The following SAMD5 variants were observed in gnomAD, a reference collection of about 807,000 sequenced individuals.
SAMD5 encodes sterile alpha motif domain-containing protein 5.
In SAMD5, 13 loss-of-function variants were observed where a neutral mutation model predicts 11.3. That is an observed-to-expected ratio of 1.15 (90% confidence interval 0.75 to 1.83). The LOEUF is 1.83. SAMD5 is among the 40% of genes most tolerant of loss of function. SAMD5 has a pLI of 0.00. For missense variants in SAMD5, 255 were observed against 239.1 expected (o/e 1.07, Z -0.44); for synonymous variants, 129 against 111.3 (o/e 1.16, Z -1.00).
chr6:147,830,087 C>G, the SAMD5 span, among the ~76,000 whole-genome samples: 3 of 151,722 alleles, frequency 2.0e-5, no homozygotes, highest in Non-Finnish European at 4.4e-5. Flanking sequence ...AAAGAGATCT[C>G]TTGGGTTAGA....
At chr6:147,849,258 T>G in the SAMD5 span, among the ~76,000 whole-genome samples, 2 of 151,904 alleles carry the variant, frequency 1.3e-5, no homozygotes, top group East Asian at 3.9e-4. Flanking sequence ...CAAAAGTAAT[T>G]CTTTAAACTT....
rs571919735 is a variant in SAMD5 at position 147,695,150 on chromosome 6, C to G, written c.163-42167C>G. 6.4e-4 allele frequency among the ~76,000 whole-genome samples: 98 copies of G among 152,264 alleles called. 2 individuals carry two copies. In the Middle Eastern group the frequency reaches 0.014, roughly 21 times the overall value. ...GTCCCGTGAAACAAATATGTGATAT[C>G]TAGGAATTTAAAATAAAGATGTTAC... is the stretch of plus-strand genomic sequence containing the variant. On this transcript the variant is annotated intron_variant, in intron 1 of 1. Coordinates refer to the SAMD5 transcript ENST00000566741.
the SAMD5 span, among the ~76,000 whole-genome samples, chr6:147,937,263 G>A: frequency 6.6e-6 from 1 of 152,150 alleles, no homozygotes; most frequent in African/African-American, 2.4e-5. Context: ...TCCAGAAGAG[G>A]AATCTTGTTC....
chr6:147,754,693 A>G, the SAMD5 span, among the ~76,000 whole-genome samples: 1 of 152,188 alleles, frequency 6.6e-6, no homozygotes, highest in Admixed American at 6.6e-5. Context: ...TCATAGTGTG[A>G]AGTCTTAGAT....
intron 1 of SAMD5, among the ~76,000 whole-genome samples, chr6:147,590,966 TA>T (rs1348359373): frequency 6.6e-6 from 1 of 152,210 alleles, no homozygotes; most frequent in African/African-American, 2.4e-5. Context: ...TATTCAAGGT[TA>T]AAATGAAATG....
chr6:147,544,809 A>G (rs1788661194), intron 1 of SAMD5, among the ~76,000 whole-genome samples: 1 of 152,236 alleles, frequency 6.6e-6, no homozygotes, highest in Admixed American at 6.5e-5. Context: ...ATTTTGTTTC[A>G]GAATGGACCA....
At position 147,553,083 on chromosome 6, in the gene SAMD5, C is replaced by A. The variant is rs192887847; in HGVS notation, c.460-11311C>A. ...TAGAACAGGTACTGGAAAAATCAACCAGTTATATAGGCTTCCACTGTGCCA... is the reference window on the plus strand; with the variant it reads ...TAGAACAGGTACTGGAAAAATCAACAAGTTATATAGGCTTCCACTGTGCCA... On this transcript the variant is annotated intron_variant, in intron 1 of 1. Transcript: ENST00000367474. Among the ~76,000 whole-genome samples the A allele has an allele frequency of 2.6e-5, 4 of 152,232 alleles. No individual in the cohort carries two copies. The East Asian group carries it at 5.8e-4, about 22-fold the overall frequency.
the SAMD5 span, among the ~76,000 whole-genome samples, chr6:147,920,463 C>T: frequency 6.6e-6 from 1 of 152,146 alleles, no homozygotes; most frequent in Non-Finnish European, 1.5e-5. Context: ...GACTGGCTTC[C>T]TTGCTCCTCA....
intron 1 of SAMD5, among the ~76,000 whole-genome samples, chr6:147,675,672 G>C (rs1467592901): frequency 1.3e-5 from 2 of 152,128 alleles, no homozygotes; most frequent in Non-Finnish European, 2.9e-5. Context: ...TAAATTTGCT[G>C]TATTTGATAC....
In SAMD5 at chr6:147,565,134, A is replaced by G. The variant is rs767841756; in HGVS notation, c.*678A>G. 4.1e-6 allele frequency: 4 copies of G among 985,276 alleles called. No homozygotes were observed. The highest frequency in any genetic ancestry group is 4.8e-6 in the Non-Finnish European group (4 of 829,556). 61.0% of individuals were successfully genotyped at this position (985,276 alleles called of 1,614,324 possible). The stretch of plus-strand genomic sequence containing the variant: ...AAATTTAATCTGGCTGAGGTTTAGT[A>G]TTAGGACTAATACAAGTGTCTTGCT... On this transcript the variant is annotated 3_prime_UTR_variant, in exon 2 of 2. Coordinates refer to ENST00000367474, the MANE Select transcript of SAMD5 (RefSeq NM_001030060.3).
the SAMD5 span, among the ~76,000 whole-genome samples, chr6:147,798,019 C>G: frequency 3.3e-5 from 5 of 151,450 alleles, no homozygotes; most frequent in Admixed American, 2.6e-4. Flanking sequence ...AAAAGACCAG[C>G]TCCTGGATTC....
At chr6:147,554,586 A>T (rs1431079563) in intron 1 of SAMD5, among the ~76,000 whole-genome samples, 1 of 151,308 alleles carries the variant, frequency 6.6e-6, no homozygotes, top group Non-Finnish European at 1.5e-5. Flanking sequence ...TCAGAGAAGC[A>T]TGTTTTTTCC....
chr6:147,524,422 GT>G (rs71270324), intron 1 of SAMD5, among the ~76,000 whole-genome samples: 184 of 142,640 alleles, frequency 1.3e-3, no homozygotes, highest in African/African-American at 2.3e-3. Flanking sequence ...TGTTTTTGTT[GT>G]TTTTTTTTTT....
intron 1 of SAMD5, among the ~76,000 whole-genome samples, chr6:147,518,498 G>T (rs1011139107): frequency 6.6e-6 from 1 of 152,178 alleles, no homozygotes; most frequent in Non-Finnish European, 1.5e-5. Context: ...TCAGATTCTA[G>T]TTCACCAGAA....
At chr6:147,922,438 A>G in the SAMD5 span, among the ~76,000 whole-genome samples, 1 of 152,206 alleles carries the variant, frequency 6.6e-6, no homozygotes, top group Non-Finnish European at 1.5e-5. Flanking sequence ...GTGGGTTGTT[A>G]GGAAAAATTT....
At chr6:147,887,263 A>G in the SAMD5 span, among the ~76,000 whole-genome samples, 1 of 152,226 alleles carries the variant, frequency 6.6e-6, no homozygotes, top group Admixed American at 6.5e-5. Flanking sequence ...CTGTGAAGCC[A>G]CCAAAATGAT....
chr6:147,932,000 T>G, the SAMD5 span, among the ~76,000 whole-genome samples: 1 of 152,202 alleles, frequency 6.6e-6, no homozygotes, highest in Non-Finnish European at 1.5e-5. Flanking sequence ...ACATCTATCT[T>G]TCATTTCTAT....
chr6:147,820,951 A>G, the SAMD5 span, among the ~76,000 whole-genome samples: 3 of 152,242 alleles, frequency 2.0e-5, no homozygotes, highest in Non-Finnish European at 4.4e-5. Flanking sequence ...CTAAAAAAGT[A>G]TCTCATTTGG....
the SAMD5 span, among the ~76,000 whole-genome samples, chr6:147,836,084 T>C: frequency 1.3e-5 from 2 of 152,228 alleles, no homozygotes; most frequent in Non-Finnish European, 1.5e-5. Context: ...TAGAGCCTAA[T>C]ATATCCATTC....
Sources: gnomAD v4.1 joint callset for allele counts (sites outside exome capture counted in the v4.1 genomes callset) on GRCh38, gnomAD v4.1.1 for gene constraint, MANE v1.5 for transcripts, NCBI Gene and HGNC (gene_info 2026-07-23, HGNC 2026-07-21) for gene names.